The following DENND4C variants were observed in gnomAD, a reference collection of about 807,000 sequenced individuals.
DENND4C encodes DENN domain containing 4C.
DENND4C carries 108 observed loss-of-function variants against 203.0 expected under a neutral mutation model. That is an observed-to-expected ratio of 0.53 (90% CI 0.46 to 0.62). DENND4C has a LOEUF of 0.62. Ranked by LOEUF, DENND4C falls within the 20% of genes least tolerant of loss-of-function variation. The pLI is 0.00. For synonymous variants in DENND4C, 871 were observed against 792.4 expected (o/e 1.10, Z -1.67); for missense variants, 2,481 against 2,301.2 (o/e 1.08, Z -1.60).
intron 23 of DENND4C, among the ~76,000 whole-genome samples, chr9:19,350,321 A>G (rs1312379825): frequency 6.6e-6 from 1 of 152,252 alleles, no homozygotes; most frequent in East Asian, 1.9e-4. Context: ...TATCTAATAA[A>G]TGGTGGAGAA....
chr9:19,245,808 A>G (rs1342112496), intron 1 of DENND4C, among the ~76,000 whole-genome samples: 2 of 150,434 alleles, frequency 1.3e-5, no homozygotes, highest in African/African-American at 5.0e-5. Flanking sequence ...GTGAGCAGAG[A>G]TCATGCCATT....
chr9:19,356,788 TGA>T (rs60635871), intron 26 of DENND4C, among the ~76,000 whole-genome samples, 182 bp from the exon 27 acceptor site: 411 of 139,554 alleles, frequency 2.9e-3, no homozygotes, highest in Middle Eastern at 7.4e-3. Flanking sequence ...TGTGTGTGTG[TGA>T]GAGAGAGAGA....
chr9:19,299,327 G>T (rs751332536), intron 8 of DENND4C, 40 bp downstream of exon 8: 3 of 1,359,966 alleles, frequency 2.2e-6, no homozygotes, highest in Admixed American at 2.4e-5. Flanking sequence ...TATTCAGTTG[G>T]AGCAGAATGC....
intron 1 of DENND4C, among the ~76,000 whole-genome samples, chr9:19,272,237 T>A (rs1831852160): frequency 6.6e-6 from 1 of 151,116 alleles, no homozygotes; most frequent in Non-Finnish European, 1.5e-5. Context: ...CTGGCCAACA[T>A]GGGGAAAGCC....
At chr9:19,246,991 A>G (rs1350931534) in intron 1 of DENND4C, among the ~76,000 whole-genome samples, 1 of 152,158 alleles carries the variant, frequency 6.6e-6, no homozygotes, top group Non-Finnish European at 1.5e-5. Context: ...AACTCTTTCC[A>G]GGCTGGCTCT....
At chr9:19,291,723 TAGC>T (rs1836355954) in intron 5 of DENND4C, among the ~76,000 whole-genome samples, 2 of 131,714 alleles carry the variant, frequency 1.5e-5, no homozygotes, top group Non-Finnish European at 3.2e-5. Context: ...AAAAAAAAAA[TAGC>T]AGAGATAAGA....
intron 22 of DENND4C, among the ~76,000 whole-genome samples, chr9:19,345,015 T>C (rs545748170): frequency 6.6e-6 from 1 of 152,254 alleles, no homozygotes; most frequent in East Asian, 1.9e-4. Context: ...TCCACTTTCA[T>C]GATCAAATTA....
chr9:19,306,812 G>T (rs1423265815), intron 10 of DENND4C, among the ~76,000 whole-genome samples: 1 of 151,070 alleles, frequency 6.6e-6, no homozygotes, highest in Non-Finnish European at 1.5e-5. Flanking sequence ...GAGTCTCACT[G>T]TGTTGCCCAG....
At chr9:19,314,576 A>C (rs920153644) in intron 10 of DENND4C, among the ~76,000 whole-genome samples, 1 of 152,232 alleles carries the variant, frequency 6.6e-6, no homozygotes, top group African/African-American at 2.4e-5. Flanking sequence ...TTTAAAAAAC[A>C]TTGACATATT....
At chr9:19,270,106 C>A (rs1041493356) in intron 1 of DENND4C, among the ~76,000 whole-genome samples, 25 of 152,056 alleles carry the variant, frequency 1.6e-4, no homozygotes, top group African/African-American at 6.0e-4. Context: ...CCTTATTTTC[C>A]CCCAAACAAA....
At chr9:19,309,551 T>C (rs1036467723) in intron 10 of DENND4C, among the ~76,000 whole-genome samples, 1 of 152,162 alleles carries the variant, frequency 6.6e-6, no homozygotes, top group Non-Finnish European at 1.5e-5. Flanking sequence ...TAAAACTGTT[T>C]TAAAAAGTCA....
In DENND4C at chr9:19,241,095, C is replaced by T. The variant is rs544836400; in HGVS notation, c.-18+10262C>T. The stretch of plus-strand genomic sequence containing the variant: ...TTGCAGGAGTGGAAGTTGCTCTGGG[C>T]GAGTCACTGAATGAGGGGTGGTGAA... On this transcript the variant is annotated intron_variant, in intron 1 of 32. Coordinates refer to ENST00000434457, the MANE Select transcript of DENND4C (RefSeq NM_001330640.2). 4.7e-4 allele frequency among the ~76,000 whole-genome samples: 72 copies of T among 152,082 alleles called. 1 individual carries two copies. In the South Asian group the frequency reaches 0.011, roughly 24 times the overall value.
In DENND4C at chr9:19,373,392, T is replaced by G. The variant is rs893942372; in HGVS notation, c.*1219T>G. ...GGAATGTGCTTAAAATGCTAAAGTG[T>G]ATGTCATTGAACATGAAATCTTTTT... On this transcript the variant is annotated 3_prime_UTR_variant, in exon 33 of 33. Coordinates refer to ENST00000434457, the MANE Select transcript of DENND4C (RefSeq NM_001330640.2). 1 of 152,662 alleles carries G rather than the reference T, an allele frequency of 6.6e-6. No homozygotes were observed. Among genetic ancestry groups the G allele is most frequent in the African/African-American group, 2.4e-5 (1 of 41,470 alleles). 9.5% of individuals were successfully genotyped at this position (152,662 alleles called of 1,614,324 possible). A position where few individuals can be genotyped will look rare whatever the true frequency, so the allele number is the denominator to read the frequency against.
intron 2 of DENND4C, among the ~76,000 whole-genome samples, chr9:19,281,501 A>G (rs72698390): frequency 5.3e-4 from 80 of 152,320 alleles, no homozygotes; most frequent in South Asian, 8.3e-4. Context: ...CCATCTCATT[A>G]AGTTTAATAT....
intron 10 of DENND4C, among the ~76,000 whole-genome samples, chr9:19,315,662 C>G (rs1841700939): frequency 6.7e-6 from 1 of 149,682 alleles, no homozygotes; most frequent in Non-Finnish European, 1.5e-5. Flanking sequence ...GAAAAAGAAG[C>G]TTTTAGTAAT....
intron 23 of DENND4C, among the ~76,000 whole-genome samples, chr9:19,349,521 A>G (rs1180299572): frequency 1.3e-5 from 2 of 152,166 alleles, no homozygotes; most frequent in Non-Finnish European, 2.9e-5. Flanking sequence ...TTGTCTTTTC[A>G]TTGTTACATC....
At position 19,300,224 on chromosome 9, in the gene DENND4C, C is replaced by T. The variant is rs760652288; in HGVS notation, c.1204C>T (p.Pro402Ser). The T allele has an allele frequency of 1.9e-6, 3 of 1,611,626 alleles. No individual in the cohort carries two copies. The highest frequency in any genetic ancestry group is 2.5e-6 in the Non-Finnish European group (3 of 1,178,318). ...NFSTLLMNLG[P>S]ENCATLLLFV... ...TAGCACCTTGCTAATGAATCTGGGT[C>T]CTGAGAATTGTGCAACACTGCTGCT... The change falls in exon 9 of 33, where the codon CCT (proline) becomes TCT (serine). Residue 402 changes from proline (P) to serine (S), a missense_variant. This residue lies in a region of DENND4C where 2,289 missense variants were observed against 2,113.3 expected (regional missense o/e 1.08). Transcript: ENST00000434457.
At chr9:19,356,773 A>ATGTGTG (rs753321782) in intron 26 of DENND4C, among the ~76,000 whole-genome samples, 199 bp from the exon 27 acceptor site, 4 of 139,850 alleles carry the variant, frequency 2.9e-5, no homozygotes, top group African/African-American at 1.1e-4. Flanking sequence ...GAGAGCAGGA[A>ATGTGTG]TGTGTGTGTG....
intron 1 of DENND4C, among the ~76,000 whole-genome samples, chr9:19,238,464 CTCCCT>C (rs1822626493): frequency 1.9e-5 from 1 of 52,348 alleles, no homozygotes; most frequent in African/African-American, 8.4e-5. Flanking sequence ...CTCCCCTCCC[CTCCCT>C]CTCCCCTCCC....
Sources: gnomAD v4.1 joint callset for allele counts (sites outside exome capture counted in the v4.1 genomes callset) on GRCh38, gnomAD v4.1.1 for gene constraint, gnomAD v4.1.1 regional missense constraint, MANE v1.5 for transcripts, NCBI Gene and HGNC (gene_info 2026-07-23, HGNC 2026-07-21) for gene names.